The following CFAP44 variants were observed in gnomAD, a reference collection of about 807,000 sequenced individuals.
CFAP44 encodes the protein cilia- and flagella-associated protein 44.
CFAP44 carries 134 observed loss-of-function variants against 216.2 expected under a neutral mutation model. The observed-to-expected ratio is 0.62, with a 90% CI of 0.54 to 0.72. The LOEUF is 0.72. Ranked by LOEUF, CFAP44 falls within the 30% of genes least tolerant of loss-of-function variation. The pLI is 0.00. For synonymous variants in CFAP44, 700 were observed against 727.6 expected, an observed-to-expected ratio of 0.96 and a Z score of 0.61; for missense variants, 2,035 against 2,182.1, an observed-to-expected ratio of 0.93 and a Z score of 1.34.
chr3:113,296,788 T>G lies in CFAP44; in HGVS notation c.5175A>C (p.Glu1725Asp). The G allele has an allele frequency of 6.5e-7, 1 of 1,537,808 alleles. No homozygotes were observed. The highest frequency in any genetic ancestry group is 8.7e-7 in the Non-Finnish European group (1 of 1,147,032). Residue 1725 changes from glutamate to aspartate, a missense_variant, in exon 33 of 35, where the codon GAA (glutamate) becomes GAC (aspartate). Glu to Asp is a conservative substitution (Grantham distance 45). Around this residue, in one of 3 missense-constraint regions of CFAP44, gnomAD observed 1,883 missense variants for 2,023.7 expected, o/e 0.93. Transcript: ENST00000393845. ...TTCGAAGTTTTCTGATCTTCAGTTC[T>G]TCAAGTGTTGTATTAACAGAAAGCG... ...LQTLSVNTTL[E>D]ELKIRKLRKE...
chr3:113,327,748 A>C lies in CFAP44; in HGVS notation c.4188T>G (p.Thr1396=). 1 of 1,537,046 alleles carries C rather than the reference A, an allele frequency of 6.5e-7. No individual in the cohort carries two copies. Among genetic ancestry groups the C allele is most frequent in the South Asian group, 1.2e-5 (1 of 84,064 alleles). Residue 1396 remains threonine (T), a synonymous_variant, in exon 27 of 35, where the codon ACT becomes ACG. Coordinates refer to ENST00000393845, the MANE Select transcript of CFAP44 (RefSeq NM_001164496.2). ...GGTGCAGGTCAGATAATTTCATCTG[A>C]GTATCTAGTTTTAGTTTCTGATGTC... is the stretch of plus-strand genomic sequence containing the variant. The part of the protein sequence containing the change: ...LLRHQKLKLD[T]QMKLSDLHHV...
rs984951544 is a variant in CFAP44 at position 113,426,151 on chromosome 3, T to A, written c.380A>T (p.Asn127Ile). Residue 127 changes from asparagine (N) to isoleucine (I), a missense_variant, in exon 4 of 35, where the codon AAC becomes ATC. Coordinates refer to ENST00000393845, the MANE Select transcript of CFAP44 (RefSeq NM_001164496.2). ...ASMPFVTLDS[N>I]IPLDLLTLVH... ...AAGTGTGAGAAGATCCAGTGGTATG[T>A]TTGAATCCAGAGTCACAAAAGGCAT... 2 of 1,614,090 alleles carry A rather than the reference T, an allele frequency of 1.2e-6. No individual in the cohort carries two copies. The highest frequency in any genetic ancestry group is 2.7e-5 in the African/African-American group (2 of 75,046).
chr3:113,344,833 CA>C (rs1950366037), intron 22 of CFAP44, 121 bp from the exon 23 acceptor site: 3 of 876,808 alleles, frequency 3.4e-6, no homozygotes, highest in Non-Finnish European at 1.6e-6. Context: ...GTGCTAGACT[CA>C]AATTTTAACA....
chr3:113,429,178 A>C (rs1044464824), intron 2 of CFAP44: 2 of 152,196 alleles, frequency 1.3e-5, no homozygotes, highest in African/African-American at 4.8e-5. Context: ...AATGGTAGGC[A>C]TGTATACTTT....
At chr3:113,407,401 TCAAGTGCTCAGTAACTA>T (rs1390992716) in intron 7 of CFAP44, among the ~76,000 whole-genome samples, 8 of 152,336 alleles carry the variant, frequency 5.3e-5, no homozygotes, top group African/African-American at 1.9e-4. Context: ...CTAGCCAATT[TCAAGTGCTCAGTAACTA>T]CATGTGGCTG....
chr3:113,316,733 G>A (rs1012087553), intron 28 of CFAP44, among the ~76,000 whole-genome samples: 5 of 152,074 alleles, frequency 3.3e-5, no homozygotes, highest in African/African-American at 1.2e-4. Flanking sequence ...GCTGGGTGTG[G>A]TGGTGGGTGT....
At chr3:113,358,028 C>A (rs1181037486) in intron 22 of CFAP44, among the ~76,000 whole-genome samples, 1 of 152,012 alleles carries the variant, frequency 6.6e-6, no homozygotes, top group Non-Finnish European at 1.5e-5. Context: ...ACTACTGATA[C>A]ATGTAACAAC....
intron 33 of CFAP44, among the ~76,000 whole-genome samples, chr3:113,295,089 T>G (rs1949868051): frequency 1.3e-5 from 2 of 152,240 alleles, no homozygotes; most frequent in Admixed American, 6.5e-5. Flanking sequence ...GAAATTACTA[T>G]GCATACTGAT....
chr3:113,299,803 C>T (rs1183596528), intron 32 of CFAP44, among the ~76,000 whole-genome samples: 3 of 152,074 alleles, frequency 2.0e-5, no homozygotes, highest in Non-Finnish European at 2.9e-5. Flanking sequence ...CTGAGACAGG[C>T]GATTGCTTGA....
chr3:113,355,198 TG>T (rs1950482312), intron 22 of CFAP44, among the ~76,000 whole-genome samples: 1 of 151,936 alleles, frequency 6.6e-6, no homozygotes, highest in African/African-American at 2.4e-5. Flanking sequence ...AAACACTACC[TG>T]TTCCCCCAAA....
At chr3:113,311,441 G>T (rs566531255) in intron 28 of CFAP44, among the ~76,000 whole-genome samples, 1 of 152,302 alleles carries the variant, frequency 6.6e-6, no homozygotes, top group South Asian at 2.1e-4. Context: ...GGTTTTATCA[G>T]GGGTTTCTGC....
At chr3:113,304,494 A>G (rs1306006190) in intron 31 of CFAP44, among the ~76,000 whole-genome samples, 1 of 152,244 alleles carries the variant, frequency 6.6e-6, no homozygotes, top group Non-Finnish European at 1.5e-5. Flanking sequence ...CCTAAAATAC[A>G]GCTTTTTCTC....
intron 17 of CFAP44, among the ~76,000 whole-genome samples, chr3:113,377,881 G>T (rs937775879): frequency 6.6e-6 from 1 of 152,144 alleles, no homozygotes; most frequent in Non-Finnish European, 1.5e-5. Context: ...TTGATCTTCT[G>T]ACCTCGTGAT....
Position 113,379,472 on chromosome 3 carries a change from G to T in CFAP44, c.2132C>A (p.Ala711Glu), listed in dbSNP as rs1297846337. Reference sequence around the variant, plus strand: ...TTCTCCATCTTCTCCCATCTCTGCTGCTAGCTTGTTCCTCCTTTCTTCCCT... The same window carrying T: ...TTCTCCATCTTCTCCCATCTCTGCTTCTAGCTTGTTCCTCCTTTCTTCCCT... ...KIREERRNKL[A>E]AEMGEDGEKE... Residue 711 changes from alanine (A) to glutamate (E), a missense_variant, in exon 17 of 35, where the codon GCA becomes GAA. Ala to Glu is a moderately radical substitution (Grantham distance 107). Around this residue, in one of 3 missense-constraint regions of CFAP44, gnomAD observed 1,883 missense variants for 2,023.7 expected, o/e 0.93. Coordinates refer to ENST00000393845, the MANE Select transcript of CFAP44 (RefSeq NM_001164496.2). 5 of 1,609,196 alleles carry T rather than the reference G, an allele frequency of 3.1e-6. No homozygotes were observed. The highest frequency in any genetic ancestry group is 1.1e-5 in the South Asian group (1 of 90,878).
chr3:113,345,862 C>G (rs896038421), intron 22 of CFAP44, among the ~76,000 whole-genome samples: 1 of 152,158 alleles, frequency 6.6e-6, no homozygotes, highest in South Asian at 2.1e-4. Context: ...ATCTTTTAAA[C>G]TCTATGTCTG....
chr3:113,382,070 G>C (rs1447673926), intron 15 of CFAP44, among the ~76,000 whole-genome samples: 1 of 152,156 alleles, frequency 6.6e-6, no homozygotes. Flanking sequence ...ATGTGCAAAA[G>C]TCCTGTGGAA....
intron 6 of CFAP44, among the ~76,000 whole-genome samples, chr3:113,413,358 A>G (rs1324147699): frequency 1.3e-5 from 2 of 152,108 alleles, no homozygotes; most frequent in Non-Finnish European, 2.9e-5. Flanking sequence ...TGCTGTGCAG[A>G]AGCTCTTTAG....
chr3:113,290,509 T>A lies in CFAP44; in HGVS notation c.*1048A>T, dbSNP rs1034307766. On this transcript the variant is annotated 3_prime_UTR_variant, in exon 35 of 35. Transcript: ENST00000393845. ...CCAGCTTATCCTGGAACAGCCTCAA[T>A]GAGTAGCTCGTTAATACAGAGCTCT... 7 of 152,236 alleles carry A rather than the reference T, an allele frequency of 4.6e-5. No individual in the cohort carries two copies. The highest frequency in any genetic ancestry group is 1.7e-4 in the African/African-American group (7 of 41,470). The allele number at this position is 152,236 out of a possible 1,614,324, so 9.4% of individuals were successfully genotyped here.
intron 23 of CFAP44, among the ~76,000 whole-genome samples, chr3:113,342,525 G>A (rs1279111344): frequency 1.3e-5 from 2 of 152,016 alleles, no homozygotes; most frequent in Non-Finnish European, 2.9e-5. Context: ...AAATGATGGT[G>A]GACCACTAAC....
Sources: gnomAD v4.1 joint callset for allele counts (sites outside exome capture counted in the v4.1 genomes callset) on GRCh38, gnomAD v4.1.1 for gene constraint, gnomAD v4.1.1 regional missense constraint, MANE v1.5 for transcripts, NCBI Gene and HGNC (gene_info 2026-07-23, HGNC 2026-07-21) for gene names.